NELL1: variants seen among roughly 807,000 people sequenced by gnomAD.
NELL1 encodes neural EGFL like 1.
In NELL1, 76 loss-of-function variants were observed where a neutral mutation model predicts 107.4. The observed-to-expected ratio is 0.71, with a 90% CI of 0.59 to 0.86. The LOEUF (loss-of-function observed/expected upper bound fraction) is 0.86. Ranked by LOEUF, NELL1 falls within the 40% of genes least tolerant of loss-of-function variation. NELL1 has a pLI of 0.00. For synonymous variants in NELL1, 353 were observed against 341.2 expected (o/e 1.03, Z -0.38); for missense variants, 1,024 against 1,005.5 (o/e 1.02, Z -0.25).
At chr11:20,685,055 T>A (rs1028123560) in intron 2 of NELL1, among the ~76,000 whole-genome samples, 1 of 151,730 alleles carries the variant, frequency 6.6e-6, no homozygotes, top group African/African-American at 2.4e-5. Flanking sequence ...TGTGCTGCTA[T>A]CTTCTCTTGT....
chr11:21,551,263 C>A (rs558384999), intron 16 of NELL1, among the ~76,000 whole-genome samples: 7 of 151,864 alleles, frequency 4.6e-5, no homozygotes, highest in Non-Finnish European at 1.0e-4. Context: ...GGGTTTTCTA[C>A]ATATACAATC....
At chr11:20,912,190 T>C (rs571689303) in intron 5 of NELL1, among the ~76,000 whole-genome samples, 51 of 152,266 alleles carry the variant, frequency 3.3e-4, no homozygotes, top group African/African-American at 1.2e-3. Flanking sequence ...TGGATCCTTG[T>C]GGATAGTGCA....
At chr11:20,966,232 C>T (rs1409096697) in intron 12 of NELL1, among the ~76,000 whole-genome samples, 1 of 152,006 alleles carries the variant, frequency 6.6e-6, no homozygotes, top group Non-Finnish European at 1.5e-5. Flanking sequence ...CTGGTGAGGG[C>T]CCTTTTGATT....
At chr11:21,390,350 A>G (rs1310384546) in intron 15 of NELL1, among the ~76,000 whole-genome samples, 3 of 147,054 alleles carry the variant, frequency 2.0e-5, no homozygotes, top group Admixed American at 6.9e-5. Context: ...TTTCTTTCCC[A>G]TCTCTATAAT....
chr11:21,030,046 A>T (rs1308792598), intron 12 of NELL1, among the ~76,000 whole-genome samples: 1 of 152,196 alleles, frequency 6.6e-6, no homozygotes, highest in Admixed American at 6.5e-5. Flanking sequence ...GCTCATCACG[A>T]TATATTAGAT....
chr11:21,453,808 C>CT lies in NELL1; in HGVS notation c.1646-80552dup, dbSNP rs58447670. Among the ~76,000 whole-genome samples, 1,285 of 139,520 alleles carry CT rather than the reference C, an allele frequency of 9.2e-3. 16 individuals are homozygous for CT. The highest frequency in any genetic ancestry group is 0.026 in the African/African-American group (989 of 38,570). The allele number at this position is 139,520 out of a possible 152,430, so 91.5% of individuals were successfully genotyped here. ...TATAACTCTTTTGTGTTTTCTTTCCCTTTTTTTTTTTTTTAGATTTTGTGC... is the reference window on the plus strand; with the variant it reads ...TATAACTCTTTTGTGTTTTCTTTCCCTTTTTTTTTTTTTTTAGATTTTGTGC... On this transcript the variant is annotated intron_variant, in intron 15 of 19. Transcript: ENST00000357134.
intron 3 of NELL1, among the ~76,000 whole-genome samples, chr11:20,841,645 A>T (rs1848624891): frequency 6.6e-6 from 1 of 152,124 alleles, no homozygotes; most frequent in South Asian, 2.1e-4. Context: ...TTGGAGGTGG[A>T]TCTCTTTTAG....
At chr11:21,146,179 A>G (rs1347138198) in intron 13 of NELL1, among the ~76,000 whole-genome samples, 4 of 152,162 alleles carry the variant, frequency 2.6e-5, no homozygotes, top group African/African-American at 9.7e-5. Flanking sequence ...GTGCACAGAA[A>G]GCACTAGTAT....
chr11:20,930,437 C>T (rs907594149), intron 9 of NELL1, among the ~76,000 whole-genome samples: 1 of 152,006 alleles, frequency 6.6e-6, no homozygotes, highest in Non-Finnish European at 1.5e-5. Flanking sequence ...TCATTGTTTC[C>T]CATTGTTTGG....
At chr11:20,892,827 G>C (rs904876239) in intron 5 of NELL1, among the ~76,000 whole-genome samples, 4 of 151,964 alleles carry the variant, frequency 2.6e-5, no homozygotes, top group African/African-American at 9.7e-5. Context: ...TACTTGGGAG[G>C]CTGAGACAGG....
chr11:21,057,054 A>C (rs1462573926), intron 12 of NELL1, among the ~76,000 whole-genome samples: 1 of 152,136 alleles, frequency 6.6e-6, no homozygotes, highest in East Asian at 1.9e-4. Flanking sequence ...TGAAGGCTTG[A>C]AAAACAAAAG....
intron 2 of NELL1, among the ~76,000 whole-genome samples, chr11:20,756,013 C>A (rs1458744418): frequency 6.6e-6 from 1 of 151,766 alleles, no homozygotes; most frequent in African/African-American, 2.4e-5. Flanking sequence ...CTGCCTCAGC[C>A]TCCCGAGTAG....
intron 12 of NELL1, among the ~76,000 whole-genome samples, chr11:21,086,739 G>A (rs1456600183): frequency 6.6e-6 from 1 of 151,462 alleles, no homozygotes; most frequent in Admixed American, 6.6e-5. Context: ...TTCAGATAAA[G>A]AGCTTCTGAT....
intron 14 of NELL1, among the ~76,000 whole-genome samples, chr11:21,339,976 C>T (rs1850523839): frequency 6.6e-6 from 1 of 152,140 alleles, no homozygotes; most frequent in Non-Finnish European, 1.5e-5. Context: ...AGGAGACAGA[C>T]CATGAATTGT....
chr11:20,791,627 A>G (rs1320491190), intron 3 of NELL1, among the ~76,000 whole-genome samples: 2 of 151,832 alleles, frequency 1.3e-5, no homozygotes, highest in African/African-American at 4.8e-5. Flanking sequence ...TGGTGAGCAG[A>G]TATCTTTGTA....
At chr11:20,863,309 C>T in intron 4 of NELL1, among the ~76,000 whole-genome samples, 2 of 132,812 alleles carry the variant, frequency 1.5e-5, no homozygotes, top group South Asian at 2.7e-4. Context: ...GGCAGCTGGC[C>T]AGGCAGGGGC....
At chr11:21,099,128 C>T (rs540735156) in intron 12 of NELL1, among the ~76,000 whole-genome samples, 39 of 151,402 alleles carry the variant, frequency 2.6e-4, no homozygotes, top group African/African-American at 9.5e-4. Context: ...GGCATAAATT[C>T]TGAGTTTTTT....
chr11:21,425,819 A>C (rs896656695), intron 15 of NELL1, among the ~76,000 whole-genome samples: 3 of 152,234 alleles, frequency 2.0e-5, no homozygotes, highest in African/African-American at 7.2e-5. Context: ...TAATGTTGGG[A>C]CATACTAGTA....
chr11:20,783,425 C>T (rs2280360), intron 2 of NELL1, among the ~76,000 whole-genome samples: 43,552 of 152,096 alleles, frequency 0.29, 7,034 homozygotes, highest in African/African-American at 0.43. Context: ...GTGACAGAGA[C>T]AGCATTTCCG....
Sources: allele counts gnomAD v4.1 joint callset (sites outside exome capture counted in the v4.1 genomes callset), GRCh38; gene constraint gnomAD v4.1.1; transcripts MANE v1.5; gene names NCBI Gene and HGNC (gene_info 2026-07-23, HGNC 2026-07-21).